Variants in SCYL2 observed in about 807,000 individuals in gnomAD.
The protein encoded by SCYL2 is SCY1-like protein 2.
In SCYL2, 36 loss-of-function variants were observed where a neutral mutation model predicts 100.4. The observed-to-expected ratio is 0.36, with a 90% CI of 0.27 to 0.47. The LOEUF is 0.47. Among genes scored for constraint, SCYL2 ranks in the 20% least tolerant of loss-of-function variants. The pLI is 1.00. For missense variants in SCYL2, 902 were observed against 1,083.9 expected (o/e 0.83, Z 2.36); for synonymous variants, 330 against 359.2 (o/e 0.92, Z 0.92).
At chr12:100,336,841 T>G (rs948807730) in intron 16 of SCYL2, among the ~76,000 whole-genome samples, 1 of 152,154 alleles carries the variant, frequency 6.6e-6, no homozygotes, top group Non-Finnish European at 1.5e-5. Flanking sequence ...CTTCTATTCA[T>G]TCATAAATGT....
chr12:100,299,657 C>T (rs1237784816), intron 4 of SCYL2, among the ~76,000 whole-genome samples: 1 of 151,834 alleles, frequency 6.6e-6, no homozygotes, highest in Non-Finnish European at 1.5e-5. Flanking sequence ...TTTTAACCAA[C>T]ATAATTATTT....
chr12:100,324,565 A>G (rs932094947), intron 11 of SCYL2, among the ~76,000 whole-genome samples: 1 of 152,216 alleles, frequency 6.6e-6, no homozygotes, highest in African/African-American at 2.4e-5. Flanking sequence ...TAGCCATTGA[A>G]TCTATTTTAG....
At chr12:100,305,065 AC>A (rs1243271749) in intron 4 of SCYL2, among the ~76,000 whole-genome samples, 2 of 152,218 alleles carry the variant, frequency 1.3e-5, no homozygotes, top group Admixed American at 6.5e-5. Flanking sequence ...GGTGACTTTA[AC>A]AGCCCATTGT....
intron 1 of SCYL2, among the ~76,000 whole-genome samples, chr12:100,277,110 G>GTAT (rs1566341596): frequency 2.0e-5 from 3 of 152,110 alleles, no homozygotes; most frequent in African/African-American, 7.2e-5. Context: ...AGAATCGTTT[G>GTAT]TATTATTTCA....
In SCYL2 at chr12:100,337,260, A is replaced by G. The variant is rs1952290032; in HGVS notation, c.2026-127A>G. 6.0e-6 allele frequency: 7 copies of G among 1,171,240 alleles called. No individual in the cohort carries two copies. In the East Asian group the frequency reaches 1.7e-4, roughly 29 times the overall value. The allele number at this position is 1,171,240 out of a possible 1,614,324, so 72.6% of individuals were successfully genotyped here. ...TGAAATACAGCTTACTGTGACAATCACCAAGACAAGAGTAGTTTGCTTTTC... is the reference window on the plus strand; with the variant it reads ...TGAAATACAGCTTACTGTGACAATCGCCAAGACAAGAGTAGTTTGCTTTTC... On this transcript the variant is annotated intron_variant, in intron 16 of 17. Coordinates refer to ENST00000360820, the MANE Select transcript of SCYL2 (RefSeq NM_017988.6).
intron 4 of SCYL2, among the ~76,000 whole-genome samples, chr12:100,299,184 A>G (rs2096324521): frequency 6.6e-6 from 1 of 152,080 alleles, no homozygotes; most frequent in Non-Finnish European, 1.5e-5. Flanking sequence ...GCAGTGAGCT[A>G]TGATAGTGCT....
chr12:100,278,830 A>G (rs983809710), intron 1 of SCYL2, among the ~76,000 whole-genome samples: 1 of 151,906 alleles, frequency 6.6e-6, no homozygotes, highest in South Asian at 2.1e-4. Flanking sequence ...GGGTTTCTCC[A>G]TGTTTGCCAG....
rs776143303 is a variant in SCYL2, at chr12:100,313,485, C to G, written c.916C>G (p.Leu306Val). The G allele has an allele frequency of 1.2e-6, 2 of 1,610,798 alleles. No homozygotes were observed. The highest frequency in any genetic ancestry group is 2.2e-5 in the East Asian group (1 of 44,778). Residue 306 changes from leucine to valine, a missense_variant, in exon 7 of 18, where the codon CTA becomes GTA. Physicochemically the swap from Leu to Val is conservative, Grantham distance 32 (BLOSUM62 1). Transcript: ENST00000360820. Reference sequence around the variant, plus strand: ...TGAGGAAGTTCGTGAACATGTAAAGCTACTGTTAAATGTAACTCCGACTGT... The same window carrying G: ...TGAGGAAGTTCGTGAACATGTAAAGGTACTGTTAAATGTAACTCCGACTGT... The part of the protein sequence containing the change: ...IPEEVREHVK[L>V]LLNVTPTVRP...
chr12:100,339,454 G>T lies in SCYL2; in HGVS notation c.*282G>T. On this transcript the variant is annotated 3_prime_UTR_variant, in exon 18 of 18. Coordinates refer to ENST00000360820, the MANE Select transcript of SCYL2 (RefSeq NM_017988.6). ...GAGAAAAAGGAAACTGAGTTATCTT[G>T]AATAACATAACTTTTTAATCAAATG... The T allele has an allele frequency of 2.7e-6, 1 of 367,486 alleles. No individual in the cohort carries two copies. The highest frequency in any genetic ancestry group is 2.1e-5 in the African/African-American group (1 of 47,612). 22.8% of individuals were successfully genotyped at this position (367,486 alleles called of 1,614,324 possible).
intron 2 of SCYL2, among the ~76,000 whole-genome samples, chr12:100,288,727 C>T (rs1362914967): frequency 6.6e-6 from 1 of 151,612 alleles, no homozygotes; most frequent in Non-Finnish European, 1.5e-5. Flanking sequence ...GTCCCAGCTA[C>T]TCGGGAGACT....
chr12:100,320,503 G>A (rs1420623455), intron 10 of SCYL2, among the ~76,000 whole-genome samples: 2 of 151,914 alleles, frequency 1.3e-5, no homozygotes, highest in East Asian at 1.9e-4. Context: ...AGCTGAGATC[G>A]TGCCACTGCA....
chr12:100,311,330 C>A, intron 5 of SCYL2, 137 bp downstream of exon 5: 1 of 697,942 alleles, frequency 1.4e-6, no homozygotes, highest in Non-Finnish European at 2.1e-6. Flanking sequence ...GTGTTCATTG[C>A]ACTTAAGAGT....
chr12:100,295,157 G>A (rs751962602), intron 3 of SCYL2, among the ~76,000 whole-genome samples: 4 of 151,058 alleles, frequency 2.6e-5, no homozygotes, highest in Non-Finnish European at 2.9e-5. Flanking sequence ...GGGAAGAGGC[G>A]CTCCTCACTT....
At chr12:100,306,421 G>A (rs2096334480) in intron 4 of SCYL2, among the ~76,000 whole-genome samples, 1 of 152,154 alleles carries the variant, frequency 6.6e-6, no homozygotes, top group Non-Finnish European at 1.5e-5. Context: ...TATATCAATA[G>A]TTGCAGAAAA....
chr12:100,307,105 A>G (rs1424445034), intron 4 of SCYL2, among the ~76,000 whole-genome samples: 1 of 152,234 alleles, frequency 6.6e-6, no homozygotes, highest in African/African-American at 2.4e-5. Flanking sequence ...ATCCCCATCA[A>G]GCTACCACTG....
intron 1 of SCYL2, among the ~76,000 whole-genome samples, chr12:100,268,226 T>A (rs1446838800): frequency 6.6e-6 from 1 of 152,172 alleles, no homozygotes; most frequent in East Asian, 1.9e-4. Context: ...TGATGACACT[T>A]TCTAAAAACA....
intron 2 of SCYL2, among the ~76,000 whole-genome samples, chr12:100,288,473 A>C (rs1311996486): frequency 6.6e-6 from 1 of 152,050 alleles, no homozygotes; most frequent in African/African-American, 2.4e-5. Flanking sequence ...TTCGTGAACT[A>C]TAGTGTTCCT....
intron 10 of SCYL2, among the ~76,000 whole-genome samples, chr12:100,322,447 T>C (rs572548648): frequency 6.6e-6 from 1 of 151,696 alleles, no homozygotes; most frequent in African/African-American, 2.4e-5. Flanking sequence ...CTCAATTTTC[T>C]TCTAAAAATT....
rs115746254 is a variant in SCYL2, at chr12:100,285,256, A to C, written c.177+2109A>C. 4.4e-3 allele frequency among the ~76,000 whole-genome samples: 663 copies of C among 152,292 alleles called. 5 individuals are homozygous for C. Among genetic ancestry groups the C allele is most frequent in the African/African-American group, 0.015 (644 of 41,568 alleles). ...CTACCCTGTCCTTTAACACTAGAAT[A>C]ATTTTGCCTGTTTTTGAACTTTATT... is the stretch of plus-strand genomic sequence containing the variant. On this transcript the variant is annotated intron_variant, in intron 2 of 17. Coordinates refer to ENST00000360820, the MANE Select transcript of SCYL2 (RefSeq NM_017988.6).
Sources: allele counts gnomAD v4.1 joint callset (sites outside exome capture counted in the v4.1 genomes callset), GRCh38; gene constraint gnomAD v4.1.1; transcripts MANE v1.5; gene names NCBI Gene and HGNC (gene_info 2026-07-23, HGNC 2026-07-21).